GPM6B: variants seen among roughly 807,000 people sequenced by gnomAD.
The protein encoded by GPM6B is glycoprotein M6B, also known as neuronal membrane glycoprotein M6-b.
Under a neutral mutation model 27.2 loss-of-function variants are expected in GPM6B, and 4 were observed. The ratio of observed to expected loss-of-function variants is 0.15; its 90% CI spans 0.07 to 0.34. The LOEUF is 0.34. GPM6B is among the 10% of genes least tolerant of loss of function. The pLI is 1.00. For synonymous variants in GPM6B, 124 were observed against 103.1 expected (o/e 1.20, Z -1.23); for missense variants, 183 against 261.9 (o/e 0.70, Z 2.08).
chrX:13,807,124 A>G (rs903391794), intron 2 of GPM6B, among the ~76,000 whole-genome samples: 1 of 112,384 alleles, frequency 8.9e-6, no homozygotes, highest in Non-Finnish European at 1.9e-5. Flanking sequence ...AATCGGGTAC[A>G]TGGTTATCCA....
At chrX:13,864,057 G>A (rs762112226) in intron 1 of GPM6B, among the ~76,000 whole-genome samples, 1 of 112,119 alleles carries the variant, frequency 8.9e-6, no homozygotes, top group African/African-American at 3.2e-5. Context: ...GTGAAGACAA[G>A]AGAAAAAGTT....
At chrX:13,922,989 AAC>A (rs1921006445) in intron 1 of GPM6B, among the ~76,000 whole-genome samples, 1 of 111,763 alleles carries the variant, frequency 8.9e-6, no homozygotes, top group Non-Finnish European at 1.9e-5. Flanking sequence ...CAGCCTGGCT[AAC>A]ACAGTGAAAC....
At chrX:13,842,111 C>T (rs1290368609) in intron 1 of GPM6B, among the ~76,000 whole-genome samples, 1 of 111,831 alleles carries the variant, frequency 8.9e-6, no homozygotes. Flanking sequence ...CGACTTTGAT[C>T]TCTCATGGAA....
At chrX:13,895,253 T>A (rs993724643) in intron 1 of GPM6B, among the ~76,000 whole-genome samples, 1 of 111,724 alleles carries the variant, frequency 9.0e-6, no homozygotes, top group Non-Finnish European at 1.9e-5. Context: ...GTAAAACCCG[T>A]AAATCTAATT....
At chrX:13,819,438 A>G (rs767552903), upstream of GPM6B, among the ~76,000 whole-genome samples, 3 of 112,344 alleles carry the variant, frequency 2.7e-5, no homozygotes, top group East Asian at 8.3e-4. Context: ...TCCAGAGCTG[A>G]AAATATTTCT....
chrX:13,784,560 A>G (rs1321570454), intron 3 of GPM6B, among the ~76,000 whole-genome samples: 1 of 112,358 alleles, frequency 8.9e-6, no homozygotes, highest in Admixed American at 9.4e-5. Context: ...AGTCTGGTGA[A>G]GAAGTTTCTT....
At chrX:13,857,255 T>C (rs375427603) in intron 1 of GPM6B, among the ~76,000 whole-genome samples, 173 of 111,845 alleles carry the variant, frequency 1.5e-3, no homozygotes, top group African/African-American at 5.3e-3. Flanking sequence ...GCTTATGACC[T>C]GGACATCTAG....
chrX:13,855,175 T>C (rs5935670), intron 1 of GPM6B, among the ~76,000 whole-genome samples: 53,685 of 109,792 alleles, frequency 0.49, 9,619 homozygotes, highest in African/African-American at 0.53. Flanking sequence ...CGTGCCACCA[T>C]ACCTGGCTAA....
At chrX:13,799,997 T>A (rs1266368310) in intron 2 of GPM6B, among the ~76,000 whole-genome samples, 2 of 111,918 alleles carry the variant, frequency 1.8e-5, no homozygotes, top group Non-Finnish European at 3.8e-5. Flanking sequence ...AGTAGCTTAC[T>A]TCTTAGGACT....
At chrX:13,814,134 G>A (rs2049190060) in intron 1 of GPM6B, among the ~76,000 whole-genome samples, 1 of 112,288 alleles carries the variant, frequency 8.9e-6, no homozygotes, top group Admixed American at 9.4e-5. Context: ...GTGTTGTCCC[G>A]CTGAAACTCC....
chrX:13,852,199 G>A (rs1044295348), intron 1 of GPM6B, among the ~76,000 whole-genome samples: 1 of 111,503 alleles, frequency 9.0e-6, no homozygotes, highest in Non-Finnish European at 1.9e-5. Flanking sequence ...CAGCCAAGGA[G>A]CATATGTAAA....
At chrX:13,852,166 A>T (rs973930054) in intron 1 of GPM6B, among the ~76,000 whole-genome samples, 20 of 110,921 alleles carry the variant, frequency 1.8e-4, no homozygotes, top group Non-Finnish European at 3.8e-4. Context: ...CAATGACTCA[A>T]CTCTGCCACC....
intron 2 of GPM6B, among the ~76,000 whole-genome samples, chrX:13,787,190 G>A (rs1038507360): frequency 6.3e-5 from 7 of 110,734 alleles, no homozygotes; most frequent in African/African-American, 2.3e-4. Flanking sequence ...CCTATGGAAA[G>A]TGACTATGAA....
intron 1 of GPM6B, among the ~76,000 whole-genome samples, chrX:13,875,134 A>G (rs2050020792): frequency 8.9e-6 from 1 of 111,838 alleles, no homozygotes; most frequent in Admixed American, 9.5e-5. Flanking sequence ...AGGCAAAAAT[A>G]GTGACAAGTG....
At chrX:13,899,541 G>A (rs769528033) in intron 1 of GPM6B, among the ~76,000 whole-genome samples, 1 of 110,706 alleles carries the variant, frequency 9.0e-6, no homozygotes, top group South Asian at 3.9e-4. Flanking sequence ...TGTAGCCTGG[G>A]TAAATGGATG....
intron 1 of GPM6B, among the ~76,000 whole-genome samples, chrX:13,901,554 T>G (rs1303938688): frequency 9.0e-6 from 1 of 111,488 alleles, no homozygotes; most frequent in African/African-American, 3.3e-5. Flanking sequence ...ACTCTCCCCC[T>G]AAACCTGCCA....
chrX:13,823,475 T>C (rs1301474578), intron 1 of GPM6B, among the ~76,000 whole-genome samples: 1 of 111,066 alleles, frequency 9.0e-6, no homozygotes, highest in Non-Finnish European at 1.9e-5. Flanking sequence ...CAACTTGAGT[T>C]GTAATGACCC....
intron 1 of GPM6B, among the ~76,000 whole-genome samples, chrX:13,870,466 C>T (rs955024318): frequency 3.6e-5 from 4 of 111,993 alleles, no homozygotes; most frequent in Non-Finnish European, 5.6e-5. Context: ...CTGATAGTGG[C>T]CGGGATAGAC....
At chrX:13,788,443 G>A (rs1402923304) in intron 2 of GPM6B, among the ~76,000 whole-genome samples, 1 of 108,112 alleles carries the variant, frequency 9.2e-6, no homozygotes, top group African/African-American at 3.4e-5. Context: ...ATACTGGATG[G>A]GTCCTTCTAC....
Sources: allele counts gnomAD v4.1 joint callset (sites outside exome capture counted in the v4.1 genomes callset), GRCh38; gene constraint gnomAD v4.1.1; transcripts MANE v1.5; gene names NCBI Gene and HGNC (gene_info 2026-07-23, HGNC 2026-07-21).